Variants in AMZ2 observed in about 807,000 individuals in gnomAD.
AMZ2 encodes archaelysin family metallopeptidase 2.
Under a neutral mutation model 36.7 loss-of-function variants are expected in AMZ2, and 26 were observed. The observed-to-expected ratio is 0.71, with a 90% CI of 0.52 to 0.98. AMZ2 has a LOEUF of 0.98. AMZ2 is among the 50% of genes least tolerant of loss of function. The pLI is 0.00. For synonymous variants in AMZ2, 144 were observed against 149.1 expected, an observed-to-expected ratio of 0.97 and a Z score of 0.25; for missense variants, 394 against 430.5, an observed-to-expected ratio of 0.92 and a Z score of 0.75.
chr17:68,230,186 C>A (rs1475730537), intron 1 of AMZ2, among the ~76,000 whole-genome samples: 1 of 152,166 alleles, frequency 6.6e-6, no homozygotes, highest in African/African-American at 2.4e-5. Flanking sequence ...AGTTCTCCTG[C>A]CTCAGCCTCC....
rs782012937 is a variant in AMZ2 at position 68,251,103 on chromosome 17, G to T, written c.511G>T (p.Val171Leu). 2.7e-5 allele frequency: 43 copies of T among 1,613,658 alleles called. No individual in the cohort carries two copies. In the Admixed American group the frequency reaches 7.2e-4, roughly 27 times the overall value. Residue 171 changes from valine (V) to leucine (L), a missense_variant, in exon 4 of 7, where the codon GTG (valine) becomes TTG (leucine). By Grantham distance (32) the Val-to-Leu change is conservative. Transcript: ENST00000359904. ...KKKPEDAFCV[V>L]GITMIDLYPR... ...GAAACCTGAAGATGCCTTCTGTGTT[G>T]TGGGAATAACAATGATTGATCTTTA...
Position 68,235,692 on chromosome 17 carries a change from C to A in AMZ2, c.-66-12948C>A, listed in dbSNP as rs1157067065. Among the ~76,000 whole-genome samples, 1 of 152,216 alleles carries A rather than the reference C, an allele frequency of 6.6e-6. No individual in the cohort carries two copies. Among genetic ancestry groups the A allele is most frequent in the Non-Finnish European group, 1.5e-5 (1 of 68,036 alleles). On this transcript the variant is annotated intron_variant, in intron 1 of 7. Transcript: ENST00000674770. This position sits in a 1 kb window ranked among gnomAD's most constrained non-coding sequence, Gnocchi z 4.2. ...GGAGAGTTTCCAGGAGGACAGAACA[C>A]TGGTGCTATCAGGTGCCAGGAGCAG...
chr17:68,247,905 G>C (rs1175660358), upstream of AMZ2: 44 of 985,514 alleles, frequency 4.5e-5, no homozygotes, highest in Non-Finnish European at 5.1e-5. Context: ...CTCCAGCTCT[G>C]CGCCTGCCCA....
chr17:68,248,490 G>GC lies in AMZ2; in HGVS notation c.-213dup. The GC allele has an allele frequency of 1.0e-6, 1 of 986,044 alleles. No individual in the cohort carries two copies. Among genetic ancestry groups the GC allele is most frequent in the Non-Finnish European group, 1.2e-6 (1 of 830,030 alleles). 61.1% of individuals were successfully genotyped at this position (986,044 alleles called of 1,614,324 possible). ...GGGACCAAAGCATCCTAGGCCTCCAGCCCACTGCAGTGACCGAATTCTGCG... is the reference window on the plus strand; with the variant it reads ...GGGACCAAAGCATCCTAGGCCTCCAGCCCCACTGCAGTGACCGAATTCTGCG... On this transcript the variant is annotated 5_prime_UTR_variant, in exon 1 of 7. It removes the in-frame stop codon of an upstream open reading frame in the 5' UTR. Coordinates refer to ENST00000359904, the MANE Select transcript of AMZ2 (RefSeq NM_016627.5).
chr17:68,255,360 G>C (rs1163338627), intron 5 of AMZ2, among the ~76,000 whole-genome samples: 3 of 152,122 alleles, frequency 2.0e-5, no homozygotes, highest in Non-Finnish European at 4.4e-5. Flanking sequence ...AGACATTTTT[G>C]ATTTTCACAA....
intron 1 of AMZ2, among the ~76,000 whole-genome samples, chr17:68,236,627 A>G (rs1239916109): frequency 4.5e-5 from 6 of 132,928 alleles, no homozygotes; most frequent in Non-Finnish European, 9.1e-5. Context: ...GCTGGAGCGC[A>G]CTGGGGAGAT....
At chr17:68,222,402 C>T (rs1317184115) in intron 1 of AMZ2, among the ~76,000 whole-genome samples, 2 of 152,232 alleles carry the variant, frequency 1.3e-5, no homozygotes, top group Non-Finnish European at 2.9e-5. Flanking sequence ...CAGTGGTCCC[C>T]AACCTTTTTG....
In AMZ2 at chr17:68,248,186, G is replaced by C. The variant is rs1337029919; in HGVS notation, c.-520G>C. On this transcript the variant is annotated 5_prime_UTR_variant, in exon 1 of 7. Transcript: ENST00000359904. ...GGGTAGCCGGGTCGTAGAGGCGGGG[G>C]CCGGTCGCGGTCGGTGGAGCGGGAT... is the stretch of plus-strand genomic sequence containing the variant. The C allele has an allele frequency of 3.0e-6, 3 of 986,370 alleles. No individual in the cohort carries two copies. In the African/African-American group the frequency reaches 5.2e-5, roughly 17 times the overall value. 61.1% of individuals were successfully genotyped at this position (986,370 alleles called of 1,614,324 possible).
At chr17:68,238,586 TAC>T (rs10528850) in intron 1 of AMZ2, among the ~76,000 whole-genome samples, 2 of 150,858 alleles carry the variant, frequency 1.3e-5, no homozygotes, top group Non-Finnish European at 3.0e-5. Context: ...CACACATATG[TAC>T]ACACACACAC....
In AMZ2 at chr17:68,210,815, G is replaced by T. The variant is rs562408581; in HGVS notation, c.-67+4577G>T. Among the ~76,000 whole-genome samples, 26 of 152,110 alleles carry T rather than the reference G, an allele frequency of 1.7e-4. 1 individual carries two copies. The South Asian group carries it at 5.4e-3, about 32-fold the overall frequency. On this transcript the variant is annotated intron_variant, in intron 1 of 7. Transcript: ENST00000674770. ...ATGCAAAAATTAGCCAGGTGTGGTGGTGTGTGCCTGTGGTCCTAGTTACTT... is the reference window on the plus strand; with the variant it reads ...ATGCAAAAATTAGCCAGGTGTGGTGTTGTGTGCCTGTGGTCCTAGTTACTT...
At chr17:68,227,847 C>T (rs3972196) in intron 1 of AMZ2, among the ~76,000 whole-genome samples, 2 of 152,058 alleles carry the variant, frequency 1.3e-5, no homozygotes, top group African/African-American at 4.8e-5. Flanking sequence ...ACAAAATAAA[C>T]AGAAAAGAAC....
intron 1 of AMZ2, among the ~76,000 whole-genome samples, chr17:68,222,406 C>A (rs1405486580): frequency 6.6e-6 from 1 of 152,208 alleles, no homozygotes; most frequent in Non-Finnish European, 1.5e-5. Context: ...GGTCCCCAAC[C>A]TTTTTGGCAC....
upstream of AMZ2, chr17:68,247,947 T>C (rs16972844): frequency 0.23 from 227,869 of 984,538 alleles, 27,101 homozygotes; most frequent in African/African-American, 0.35. Flanking sequence ...GTGGCATGGG[T>C]GGGTCGTGAG....
At chr17:68,243,898 G>T (rs1245214327), upstream of AMZ2, among the ~76,000 whole-genome samples, 1 of 152,202 alleles carries the variant, frequency 6.6e-6, no homozygotes, top group Non-Finnish European at 1.5e-5. Flanking sequence ...GGGCAGAATT[G>T]GGAGGGGGAA....
intron 1 of AMZ2, among the ~76,000 whole-genome samples, chr17:68,229,711 A>G (rs1555730751): frequency 1.3e-5 from 2 of 152,208 alleles, no homozygotes. Context: ...GATCTTTTGC[A>G]TACCCAAGAA....
intron 1 of AMZ2, among the ~76,000 whole-genome samples, chr17:68,233,141 C>A (rs2073704781): frequency 1.3e-5 from 2 of 152,314 alleles, no homozygotes; most frequent in South Asian, 4.1e-4. Context: ...AAAGAGGATG[C>A]ACCAAACTTT....
chr17:68,228,095 A>G (rs1289458452), intron 1 of AMZ2, among the ~76,000 whole-genome samples: 1 of 151,920 alleles, frequency 6.6e-6, no homozygotes, highest in Non-Finnish European at 1.5e-5. Flanking sequence ...TGTCTCCTTC[A>G]AGCTCCCCTA....
intron 2 of AMZ2, 46 bp downstream of exon 2, chr17:68,250,516 G>A (rs1555738866): frequency 6.9e-6 from 11 of 1,589,198 alleles, no homozygotes; most frequent in Non-Finnish European, 9.4e-6. Flanking sequence ...TTGCAGTGGC[G>A]CTCTTGTCAG....
rs150648128 is a variant in AMZ2, at chr17:68,252,256, G to A, written c.586+1078G>A. Among the ~76,000 whole-genome samples the A allele has an allele frequency of 5.1e-3, 781 of 152,218 alleles. 5 individuals are homozygous for A. Among genetic ancestry groups the A allele is most frequent in the African/African-American group, 0.018 (739 of 41,530 alleles). The stretch of plus-strand genomic sequence containing the variant: ...TTGTGTGGGGTGGTAAGCTTTTTGG[G>A]ACAAATGTTTCTACTAGAGGTGGGG... On this transcript the variant is annotated intron_variant, in intron 4 of 6. Coordinates refer to ENST00000359904, the MANE Select transcript of AMZ2 (RefSeq NM_016627.5).
Sources: gnomAD v4.1 joint callset for allele counts (sites outside exome capture counted in the v4.1 genomes callset) on GRCh38, gnomAD v4.1.1 for gene constraint, Gnocchi (gnomAD v3.1) non-coding constraint, MANE v1.5 for transcripts, NCBI Gene and HGNC (gene_info 2026-07-23, HGNC 2026-07-21) for gene names.